The following MGRN1 variants were observed in gnomAD, a reference collection of about 807,000 sequenced individuals.
The protein encoded by MGRN1 is mahogunin ring finger 1.
MGRN1 carries 29 observed loss-of-function variants against 69.2 expected under a neutral mutation model. The observed-to-expected ratio is 0.42, with a 90% CI of 0.31 to 0.57. MGRN1 has a LOEUF of 0.57. Ranked by LOEUF, MGRN1 falls within the 20% of genes least tolerant of loss-of-function variation. The pLI is 0.15. For synonymous variants in MGRN1, 470 were observed against 344.2 expected (o/e 1.37, Z -4.04); for missense variants, 998 against 796.2 (o/e 1.25, Z -3.05).
At chr16:4,679,893 C>A in intron 11 of MGRN1, 139 bp from the exon 12 acceptor site, 1 of 805,116 alleles carries the variant, frequency 1.2e-6, no homozygotes, top group African/African-American at 1.7e-5. Context: ...TTAGGACAGT[C>A]CCGAGATTCA....
In MGRN1 at chr16:4,687,258, G is replaced by C. The variant is rs1224185190; in HGVS notation, c.1619-1538G>C. 3 of 985,308 alleles carry C rather than the reference G, an allele frequency of 3.0e-6. No individual in the cohort carries two copies. In the African/African-American group the frequency reaches 5.2e-5, roughly 17 times the overall value. 61.0% of individuals were successfully genotyped at this position (985,308 alleles called of 1,614,324 possible). On this transcript the variant is annotated intron_variant, in intron 16 of 16. Coordinates refer to ENST00000262370, the MANE Select transcript of MGRN1 (RefSeq NM_015246.4). The stretch of plus-strand genomic sequence containing the variant: ...GGGTGGCCCAGGTGAGTGTTTTACA[G>C]AAGGCGGCTCTGTCCAGGCAGTGGT...
At position 4,652,802 on chromosome 16, in the gene MGRN1, G is replaced by T; in HGVS notation, c.421G>T (p.Glu141Ter). 1 of 1,610,624 alleles carries T rather than the reference G, an allele frequency of 6.2e-7. No individual in the cohort carries two copies. The highest frequency in any genetic ancestry group is 2.2e-5 in the East Asian group (1 of 44,800). The change falls in exon 4 of 17, where the codon GAG becomes TAG. Residue 141 changes from glutamate to a stop codon, truncating the protein, a stop_gained. Coordinates refer to ENST00000262370, the MANE Select transcript of MGRN1 (RefSeq NM_015246.4). LOFTEE classifies it high-confidence loss of function. ...AITIYCQASEEFLNGRAVYSP... is the reference protein window; with the variant it reads ...AITIYCQASE The stretch of plus-strand genomic sequence containing the variant: ...CACCATCTACTGCCAGGCATCGGAG[G>T]AGTTCCTGAACGGCAGGGCAGTGTG...
Position 4,624,941 on chromosome 16 carries a change from G to A in MGRN1, c.-20G>A. ...CTCCCGTTCCGGCCCTGGCCCCTCT[G>A]CCCGGCAGCGCCGCGCACCATGGGC... On this transcript the variant is annotated 5_prime_UTR_variant, in exon 1 of 17. Coordinates refer to ENST00000262370, the MANE Select transcript of MGRN1 (RefSeq NM_015246.4). The A allele has an allele frequency of 6.6e-7, 1 of 1,526,260 alleles. No individual in the cohort carries two copies. The highest frequency in any genetic ancestry group is 8.8e-7 in the Non-Finnish European group (1 of 1,138,716). The allele number at this position is 1,526,260 out of a possible 1,614,324, so 94.5% of individuals were successfully genotyped here.
At chr16:4,680,985 C>T (rs939067267) in intron 12 of MGRN1, among the ~76,000 whole-genome samples, 2 of 152,254 alleles carry the variant, frequency 1.3e-5, no homozygotes, top group Admixed American at 6.5e-5. Flanking sequence ...TTCCCCAGAA[C>T]CTGGGCATTT....
chr16:4,668,164 A>G, intron 7 of MGRN1, 101 bp from the exon 8 acceptor site: 2 of 751,540 alleles, frequency 2.7e-6, no homozygotes, highest in South Asian at 2.3e-5. Flanking sequence ...AGCTGTGGGC[A>G]TGGATTGGCT....
intron 7 of MGRN1, among the ~76,000 whole-genome samples, chr16:4,666,396 T>C (rs1245748598): frequency 6.6e-6 from 1 of 152,150 alleles, no homozygotes; most frequent in African/African-American, 2.4e-5. Context: ...CCTTCCAAAG[T>C]GCTGGGATTA....
At chr16:4,636,996 G>A (rs1240745696) in intron 1 of MGRN1, among the ~76,000 whole-genome samples, 6 of 151,762 alleles carry the variant, frequency 4.0e-5, no homozygotes, top group South Asian at 4.2e-4. Context: ...GCGTGCGCCT[G>A]TAGTCCCAGC....
At chr16:4,631,553 G>A (rs763795424) in intron 1 of MGRN1, among the ~76,000 whole-genome samples, 10 of 152,190 alleles carry the variant, frequency 6.6e-5, no homozygotes, top group Non-Finnish European at 1.2e-4. Flanking sequence ...AGAATAAATC[G>A]GCCCAGAATA....
intron 5 of MGRN1, among the ~76,000 whole-genome samples, chr16:4,658,566 G>C (rs1293176294): frequency 6.6e-6 from 1 of 151,936 alleles, no homozygotes; most frequent in African/African-American, 2.4e-5. Context: ...AGACCTTGTG[G>C]GTCCCAGGTC....
chr16:4,686,029 C>T (rs1027608903), intron 16 of MGRN1, among the ~76,000 whole-genome samples: 5 of 152,078 alleles, frequency 3.3e-5, no homozygotes, highest in African/African-American at 1.2e-4. Flanking sequence ...GCTGCGGCAG[C>T]GGGAGGTATG....
intron 10 of MGRN1, among the ~76,000 whole-genome samples, chr16:4,674,145 C>T (rs2079002218): frequency 6.6e-6 from 1 of 152,014 alleles, no homozygotes. Context: ...CCACCATGGC[C>T]AGCTAATATT....
Position 4,624,994 on chromosome 16 carries a change from G to T in MGRN1, c.34G>T (p.Val12Leu), listed in dbSNP as rs1283916678. The T allele has an allele frequency of 1.3e-6, 2 of 1,559,454 alleles. No individual in the cohort carries two copies. The highest frequency in any genetic ancestry group is 5.3e-5 in the East Asian group (2 of 37,848). The part of the protein sequence containing the change: ...GSILSRRIAG[V>L]EDIDIQANSA... ...CATTCTCAGCCGCCGCATCGCGGGG[G>T]TGGAGGACATCGACATCCAGGCGAA... The change falls in exon 1 of 17, where the codon GTG (valine) becomes TTG (leucine). Residue 12 changes from valine (V) to leucine (L), a missense_variant. Physicochemically the swap from Val to Leu is conservative, Grantham distance 32 (BLOSUM62 1). Transcript: ENST00000262370.
chr16:4,672,061 A>G lies in MGRN1; in HGVS notation c.795+602A>G, dbSNP rs543505100. ...GCTGGGACCACAGGCACGCGCCACC[A>G]CACCCGGCTAATTTTTTGTATTTTA... On this transcript the variant is annotated intron_variant, in intron 9 of 16. Coordinates refer to ENST00000262370, the MANE Select transcript of MGRN1 (RefSeq NM_015246.4). Among the ~76,000 whole-genome samples the G allele has an allele frequency of 1.2e-3, 178 of 152,076 alleles. 2 individuals carry two copies. Among genetic ancestry groups the G allele is most frequent in the African/African-American group, 3.9e-3 (163 of 41,466 alleles).
rs151130968 is a variant in MGRN1, at chr16:4,650,218, G to T, written c.89-147G>T. 1.9e-5 allele frequency: 11 copies of T among 574,102 alleles called. No individual in the cohort carries two copies. The East Asian group carries it at 1.9e-4, about 10-fold the overall frequency. The allele number at this position is 574,102 out of a possible 1,614,324, so 35.6% of individuals were successfully genotyped here. ...CTCGGGAGGCTGAGGCAGAAGAATC[G>T]CTTGAACCCGGTGGGCGGAGCTTGC... On this transcript the variant is annotated intron_variant, in intron 1 of 16. Coordinates refer to ENST00000262370, the MANE Select transcript of MGRN1 (RefSeq NM_015246.4).
intron 12 of MGRN1, among the ~76,000 whole-genome samples, chr16:4,681,182 A>G (rs1366290211): frequency 6.6e-6 from 1 of 152,152 alleles, no homozygotes; most frequent in East Asian, 1.9e-4. Context: ...CGCCTCTGGC[A>G]TGGCTTTGCT....
intron 16 of MGRN1, among the ~76,000 whole-genome samples, chr16:4,685,784 A>G (rs1393762355): frequency 6.6e-6 from 1 of 152,202 alleles, no homozygotes; most frequent in Non-Finnish European, 1.5e-5. Context: ...CACACGCCAG[A>G]GCCTTTGGTT....
intron 1 of MGRN1, among the ~76,000 whole-genome samples, chr16:4,628,208 A>G (rs989730787): frequency 1.3e-5 from 2 of 151,774 alleles, no homozygotes; most frequent in African/African-American, 4.8e-5. Flanking sequence ...AACACGGTGA[A>G]ACCCCATGTC....
intron 16 of MGRN1, chr16:4,687,858 CCT>C (rs1220525255): frequency 9.1e-6 from 9 of 985,542 alleles, no homozygotes; most frequent in Non-Finnish European, 1.1e-5. Context: ...TTCCCATGAA[CCT>C]CTGTCTTCTT....
At chr16:4,636,329 CTCT>C (rs1382859737) in intron 1 of MGRN1, among the ~76,000 whole-genome samples, 2 of 151,930 alleles carry the variant, frequency 1.3e-5, no homozygotes, top group East Asian at 1.9e-4. Context: ...GAAGGAGGCG[CTCT>C]TCTTGCTCCA....
Sources: allele counts gnomAD v4.1 joint callset (sites outside exome capture counted in the v4.1 genomes callset), GRCh38; gene constraint gnomAD v4.1.1; transcripts MANE v1.5; gene names NCBI Gene and HGNC (gene_info 2026-07-23, HGNC 2026-07-21).